The following NCAM1 variants were observed in gnomAD, a reference collection of about 807,000 sequenced individuals.
The protein encoded by NCAM1 is neural cell adhesion molecule 1, also known as antigen recognized by monoclonal antibody 5.1H11.
In NCAM1, 14 loss-of-function variants were observed where a neutral mutation model predicts 109.8. The ratio of observed to expected loss-of-function variants is 0.13; its 90% confidence interval spans 0.08 to 0.20. The LOEUF (loss-of-function observed/expected upper bound fraction) is 0.20, where lower values mean the gene tolerates loss of function less well. NCAM1 is among the 10% of genes least tolerant of loss of function. NCAM1 has a pLI of 1.00. For synonymous variants in NCAM1, 418 were observed against 442.9 expected (o/e 0.94, Z 0.70); for missense variants, 774 against 1,109.9 (o/e 0.70, Z 4.30).
chr11:113,253,225 AC>A (rs1217423948), intron 15 of NCAM1, among the ~76,000 whole-genome samples: 5 of 152,034 alleles, frequency 3.3e-5, no homozygotes, highest in Admixed American at 6.6e-5. Context: ...CTTTGAAGAG[AC>A]TTGGGGGTCT....
At chr11:113,015,037 C>A (rs1174866744) in intron 1 of NCAM1, among the ~76,000 whole-genome samples, 16 of 152,220 alleles carry the variant, frequency 1.1e-4, no homozygotes, top group South Asian at 2.1e-4. Flanking sequence ...GCAGTCTCCA[C>A]CCCCTCACCA....
intron 1 of NCAM1, among the ~76,000 whole-genome samples, chr11:113,118,794 G>T (rs1940821130): frequency 6.6e-6 from 1 of 151,898 alleles, no homozygotes; most frequent in South Asian, 2.1e-4. Flanking sequence ...TTCATTTGAG[G>T]CATAGAGAAT....
chr11:113,036,701 ATT>A (rs1344318157), intron 1 of NCAM1, among the ~76,000 whole-genome samples: 2 of 152,004 alleles, frequency 1.3e-5, no homozygotes, highest in African/African-American at 4.8e-5. Context: ...TATTATCATA[ATT>A]CTCACTATCC....
At chr11:113,270,084 C>T in intron 17 of NCAM1, 104 bp from the exon 18 acceptor site, 1 of 1,086,310 alleles carries the variant, frequency 9.2e-7, no homozygotes. Flanking sequence ...AATGCCATGA[C>T]TCTGTCCTCT....
chr11:113,151,475 G>T (rs1289311333), intron 1 of NCAM1, among the ~76,000 whole-genome samples: 1 of 152,178 alleles, frequency 6.6e-6, no homozygotes, highest in Admixed American at 6.5e-5. Flanking sequence ...ATTAGATATG[G>T]TCAGGAGACA....
At chr11:113,207,028 A>G (rs574972194) in intron 5 of NCAM1, among the ~76,000 whole-genome samples, 35 of 152,374 alleles carry the variant, frequency 2.3e-4, no homozygotes, top group Non-Finnish European at 3.7e-4. Flanking sequence ...ATGTATTACT[A>G]TAGCTTCTCA....
At chr11:113,244,037 G>A (rs1314982045) in intron 14 of NCAM1, among the ~76,000 whole-genome samples, 2 of 152,082 alleles carry the variant, frequency 1.3e-5, no homozygotes, top group African/African-American at 2.4e-5. Context: ...GGCTGTGCTC[G>A]CATGGGTTTA....
intron 14 of NCAM1, among the ~76,000 whole-genome samples, chr11:113,244,656 T>C (rs1488199955): frequency 1.1e-3 from 1 of 940 alleles, no homozygotes; most frequent in Non-Finnish European, 1.8e-3. Context: ...TGTGTGTGCG[T>C]GTGTGTGTGT....
chr11:113,220,409 G>A (rs1555115064), intron 8 of NCAM1, among the ~76,000 whole-genome samples: 1 of 152,066 alleles, frequency 6.6e-6, no homozygotes, highest in Non-Finnish European at 1.5e-5. Context: ...CTGGTCTCAA[G>A]GACTTCATAC....
At chr11:113,053,694 A>G (rs931649557) in intron 1 of NCAM1, among the ~76,000 whole-genome samples, 6 of 152,236 alleles carry the variant, frequency 3.9e-5, no homozygotes, top group Non-Finnish European at 1.5e-5. Flanking sequence ...TAATAATGCT[A>G]ATGATCCAGA....
chr11:113,031,946 T>C (rs1206753984), intron 1 of NCAM1, among the ~76,000 whole-genome samples: 1 of 152,148 alleles, frequency 6.6e-6, no homozygotes, highest in Non-Finnish European at 1.5e-5. Flanking sequence ...TTGTTTGTTT[T>C]TGAGATGGTC....
At chr11:113,107,657 G>C (rs772272193) in intron 1 of NCAM1, among the ~76,000 whole-genome samples, 40 of 152,108 alleles carry the variant, frequency 2.6e-4, no homozygotes, top group Non-Finnish European at 5.1e-4. Flanking sequence ...GATCTCGTGA[G>C]ACTTTCATTA....
At chr11:113,079,308 C>G (rs971149917) in intron 1 of NCAM1, among the ~76,000 whole-genome samples, 2 of 152,188 alleles carry the variant, frequency 1.3e-5, no homozygotes, top group Non-Finnish European at 2.9e-5. Flanking sequence ...AGGGACTTGT[C>G]TAGAGTCAGT....
intron 9 of NCAM1, among the ~76,000 whole-genome samples, chr11:113,222,632 T>G (rs1291049071): frequency 1.3e-5 from 2 of 152,190 alleles, no homozygotes; most frequent in Admixed American, 6.5e-5. Flanking sequence ...AAGGGTTAAT[T>G]ATCAGCCACT....
At chr11:113,016,850 G>A (rs192503176) in intron 1 of NCAM1, among the ~76,000 whole-genome samples, 1 of 152,336 alleles carries the variant, frequency 6.6e-6, no homozygotes, top group African/African-American at 2.4e-5. Flanking sequence ...TGTGAAAGCA[G>A]TCATGTCTAA....
intron 1 of NCAM1, among the ~76,000 whole-genome samples, chr11:113,050,186 A>C (rs1262585546): frequency 1.3e-5 from 2 of 152,128 alleles, no homozygotes; most frequent in African/African-American, 4.8e-5. Context: ...TGAGGAAAAA[A>C]AGAGTTTATA....
intron 15 of NCAM1, among the ~76,000 whole-genome samples, chr11:113,247,195 C>A (rs1403461975): frequency 6.6e-6 from 1 of 152,176 alleles, no homozygotes; most frequent in Non-Finnish European, 1.5e-5. Flanking sequence ...GAGAAGGAAG[C>A]CTCTGCTCAC....
rs797035028 is a variant in NCAM1, at chr11:113,067,958, T to C, written c.52+106294T>C. On this transcript the variant is annotated intron_variant, in intron 1 of 19. Transcript: ENST00000316851. ...CGGAGTCTCGCTCTGTCACCCAGGC[T>C]GAAGTGCAGTGGCGCAATCTCGGCT... Among the ~76,000 whole-genome samples, 19 of 146,940 alleles carry C rather than the reference T, an allele frequency of 1.3e-4. No individual in the cohort carries two copies. The South Asian group carries it at 2.0e-3, about 15-fold the overall frequency.
intron 1 of NCAM1, among the ~76,000 whole-genome samples, chr11:113,081,811 G>T (rs1425325872): frequency 6.6e-6 from 1 of 152,208 alleles, no homozygotes; most frequent in Non-Finnish European, 1.5e-5. Flanking sequence ...TGGGACTACA[G>T]GCGTGAGCCA....
Sources: allele counts gnomAD v4.1 joint callset (sites outside exome capture counted in the v4.1 genomes callset), GRCh38; gene constraint gnomAD v4.1.1; transcripts MANE v1.5; gene names NCBI Gene and HGNC (gene_info 2026-07-23, HGNC 2026-07-21).